The following GALNT17 variants were observed in gnomAD, a reference collection of about 807,000 sequenced individuals.
The protein encoded by GALNT17 is polypeptide N-acetylgalactosaminyltransferase 17, also known as UDP-GalNAc:polypeptide N-acetylgalactosaminyltransferase-like 3.
A neutral mutation model predicts 63.7 loss-of-function variants in GALNT17; 29 were observed. The ratio of observed to expected loss-of-function variants is 0.46; its 90% CI spans 0.34 to 0.62. The LOEUF (loss-of-function observed/expected upper bound fraction) is 0.62, where lower values mean the gene tolerates loss of function less well. GALNT17 is among the 20% of genes least tolerant of loss of function. The pLI is 0.01. For synonymous variants in GALNT17, 305 were observed against 318.3 expected (o/e 0.96, Z 0.45); for missense variants, 603 against 799.6 (o/e 0.75, Z 2.97).
intron 9 of GALNT17, among the ~76,000 whole-genome samples, chr7:71,686,865 G>A (rs112080474): frequency 1.5e-3 from 231 of 152,260 alleles, no homozygotes; most frequent in African/African-American, 4.6e-3. Context: ...TACCATGGAC[G>A]AGGTGTGACT....
chr7:71,518,743 C>T (rs145012991), intron 5 of GALNT17, among the ~76,000 whole-genome samples: 211 of 152,320 alleles, frequency 1.4e-3, no homozygotes, highest in African/African-American at 5.0e-3. Flanking sequence ...AAAAAACCCA[C>T]TGCCAGGCAA....
At chr7:71,455,354 C>T (rs1787335221) in intron 5 of GALNT17, among the ~76,000 whole-genome samples, 1 of 151,986 alleles carries the variant, frequency 6.6e-6, no homozygotes, top group African/African-American at 2.4e-5. Context: ...GTGTGTTCAA[C>T]CTCCCATCCT....
chr7:71,234,614 T>G (rs1583784738), intron 1 of GALNT17, among the ~76,000 whole-genome samples: 1 of 151,866 alleles, frequency 6.6e-6, no homozygotes, highest in Admixed American at 6.6e-5. Context: ...AGGGGTAGGG[T>G]GAATGGAGGG....
chr7:71,266,082 G>C (rs1790487174), intron 1 of GALNT17, among the ~76,000 whole-genome samples: 1 of 151,980 alleles, frequency 6.6e-6, no homozygotes, highest in Admixed American at 6.6e-5. Context: ...CTGCATCTGT[G>C]GCTGCATCAC....
At chr7:71,363,101 G>A (rs1316500592) in intron 2 of GALNT17, among the ~76,000 whole-genome samples, 2 of 151,924 alleles carry the variant, frequency 1.3e-5, no homozygotes, top group Non-Finnish European at 1.5e-5. Context: ...TGAGTAGCTG[G>A]GATTGCAGGC....
chr7:71,291,826 T>A lies in GALNT17; in HGVS notation c.239-43724T>A, dbSNP rs549167526. ...ACTTGATTTTCTCTAAATTTATCTTTTCGATTGTTTTAAATTTCTTGCATT... is the reference window on the plus strand; with the variant it reads ...ACTTGATTTTCTCTAAATTTATCTTATCGATTGTTTTAAATTTCTTGCATT... On this transcript the variant is annotated intron_variant, in intron 1 of 10. Coordinates refer to ENST00000333538, the MANE Select transcript of GALNT17 (RefSeq NM_022479.3). Among the ~76,000 whole-genome samples, 3 of 152,322 alleles carry A rather than the reference T, an allele frequency of 2.0e-5. No individual in the cohort carries two copies. The East Asian group carries it at 5.8e-4, about 29-fold the overall frequency.
chr7:71,690,442 C>T (rs574354240), intron 9 of GALNT17, among the ~76,000 whole-genome samples: 7 of 152,122 alleles, frequency 4.6e-5, no homozygotes, highest in Admixed American at 1.3e-4. Flanking sequence ...CTGATGGATA[C>T]GTACCAAAAG....
intron 1 of GALNT17, among the ~76,000 whole-genome samples, chr7:71,142,270 A>G (rs1254772499): frequency 6.6e-6 from 1 of 152,074 alleles, no homozygotes; most frequent in Non-Finnish European, 1.5e-5. Context: ...ACGAGGTGAG[A>G]GGGGGTCCTT....
chr7:71,262,386 G>T (rs1368728649), intron 1 of GALNT17, among the ~76,000 whole-genome samples: 1 of 152,136 alleles, frequency 6.6e-6, no homozygotes, highest in Non-Finnish European at 1.5e-5. Context: ...AAAGTGCTGA[G>T]ATTACAGGTG....
intron 5 of GALNT17, among the ~76,000 whole-genome samples, chr7:71,537,007 C>T (rs1788813010): frequency 6.6e-6 from 1 of 152,122 alleles, no homozygotes; most frequent in Non-Finnish European, 1.5e-5. Flanking sequence ...GTTCCTGCCT[C>T]TGTGAACCCA....
At chr7:71,312,161 C>T (rs1791423616) in intron 1 of GALNT17, among the ~76,000 whole-genome samples, 1 of 152,218 alleles carries the variant, frequency 6.6e-6, no homozygotes, top group Non-Finnish European at 1.5e-5. Context: ...GTAAAATTGC[C>T]TCTGAGCTGC....
chr7:71,490,947 A>C (rs1787995789), intron 5 of GALNT17, among the ~76,000 whole-genome samples: 1 of 152,156 alleles, frequency 6.6e-6, no homozygotes, highest in South Asian at 2.1e-4. Flanking sequence ...TAATCCCAGC[A>C]CTTTGGGAGG....
rs145499082 is a variant in GALNT17 at position 71,477,295 on chromosome 7, C to T, written c.962+56190C>T. Among the ~76,000 whole-genome samples, 91 of 152,244 alleles carry T rather than the reference C, an allele frequency of 6.0e-4. 1 individual carries two copies. The highest frequency in any genetic ancestry group is 2.1e-3 in the African/African-American group (86 of 41,546). ...AGAATAATGGGATTATGAGTGGGAA[C>T]TCCTCAGAACATCCAGGAGTTCAAG... On this transcript the variant is annotated intron_variant, in intron 5 of 10. Coordinates refer to ENST00000333538, the MANE Select transcript of GALNT17 (RefSeq NM_022479.3).
intron 1 of GALNT17, among the ~76,000 whole-genome samples, chr7:71,271,470 G>T (rs950302790): frequency 6.6e-6 from 1 of 152,210 alleles, no homozygotes; most frequent in Admixed American, 6.5e-5. Context: ...TCATGTCCAG[G>T]AAACAGCCTT....
At chr7:71,508,965 T>A (rs761063308) in intron 5 of GALNT17, among the ~76,000 whole-genome samples, 6 of 152,160 alleles carry the variant, frequency 3.9e-5, no homozygotes, top group Non-Finnish European at 7.3e-5. Context: ...TTCCCGTGTG[T>A]CTGCGTACAT....
intron 5 of GALNT17, among the ~76,000 whole-genome samples, chr7:71,459,829 G>T (rs955463636): frequency 7.9e-5 from 12 of 152,178 alleles, no homozygotes; most frequent in African/African-American, 2.9e-4. Flanking sequence ...GTCATCTACT[G>T]TCTCTAAGGG....
chr7:71,301,883 G>C (rs1791205538), intron 1 of GALNT17, among the ~76,000 whole-genome samples: 1 of 152,180 alleles, frequency 6.6e-6, no homozygotes, highest in Non-Finnish European at 1.5e-5. Context: ...TTATATGCAG[G>C]GGTGGAAGGT....
intron 5 of GALNT17, among the ~76,000 whole-genome samples, chr7:71,539,707 C>CTTTTTTTTTTTTTTTTTTTTT: frequency 1.4e-5 from 1 of 71,416 alleles, no homozygotes; most frequent in Non-Finnish European, 2.4e-5. Flanking sequence ...TTAGTCCCAC[C>CTTTTTTTTTTTTTTTTTTTTT]TTTTTTTTTT....
At chr7:71,271,906 G>C (rs530895140) in intron 1 of GALNT17, among the ~76,000 whole-genome samples, 1 of 152,202 alleles carries the variant, frequency 6.6e-6, no homozygotes, top group East Asian at 1.9e-4. Context: ...ACCACAGATG[G>C]GTGCCACCAT....
Sources: allele counts gnomAD v4.1 joint callset (sites outside exome capture counted in the v4.1 genomes callset), GRCh38; gene constraint gnomAD v4.1.1; transcripts MANE v1.5; gene names NCBI Gene and HGNC (gene_info 2026-07-23, HGNC 2026-07-21).